The following BCLAF1 variants were observed in gnomAD, a reference collection of about 807,000 sequenced individuals.
BCLAF1 encodes BCL2 associated transcription factor 1.
In BCLAF1, 10 loss-of-function variants were observed where a neutral mutation model predicts 99.5. The ratio of observed to expected loss-of-function variants is 0.10; its 90% CI spans 0.06 to 0.17. The LOEUF is 0.17. BCLAF1 is among the 10% of genes least tolerant of loss of function. The pLI, the probability that BCLAF1 is intolerant of heterozygous loss-of-function variation, is 1.00. For missense variants in BCLAF1, 636 were observed against 1,105.8 expected (o/e 0.58, Z 6.02); for synonymous variants, 255 against 370.9 (o/e 0.69, Z 3.59).
chr6:136,257,605 A>C lies in BCLAF1; in HGVS notation c.*3505T>G, dbSNP rs1408068288. The C allele has an allele frequency of 6.6e-6, 1 of 152,176 alleles. No homozygotes were observed. Among genetic ancestry groups the C allele is most frequent in the African/African-American group, 2.4e-5 (1 of 41,458 alleles). 9.4% of individuals were successfully genotyped at this position (152,176 alleles called of 1,614,324 possible). The stretch of plus-strand genomic sequence containing the variant: ...ACTAATTTTTAGTATCTACCCCAAT[A>C]AAATTTGAAACATTTAATAATAGTA... On this transcript the variant is annotated 3_prime_UTR_variant, in exon 13 of 13. Transcript: ENST00000531224.
At chr6:136,277,556 T>C (rs986473871) in intron 4 of BCLAF1, among the ~76,000 whole-genome samples, 1 of 152,304 alleles carries the variant, frequency 6.6e-6, no homozygotes, top group Admixed American at 6.5e-5. Context: ...GACAGGGTCT[T>C]GCTCTATCGC....
chr6:136,261,796 G>A (rs1781044657), intron 11 of BCLAF1, among the ~76,000 whole-genome samples: 1 of 151,884 alleles, frequency 6.6e-6, no homozygotes, highest in Admixed American at 6.6e-5. Flanking sequence ...GTCAATCCAA[G>A]TCCACTTATT....
At position 136,286,766 on chromosome 6, in the gene BCLAF1, G is replaced by A. The variant is rs371153618; in HGVS notation, c.-115+2947C>T. Among the ~76,000 whole-genome samples, 12 of 152,256 alleles carry A rather than the reference G, an allele frequency of 7.9e-5. No homozygotes were observed. The East Asian group carries it at 1.2e-3, about 15-fold the overall frequency. On this transcript the variant is annotated intron_variant, in intron 1 of 12. Transcript: ENST00000531224. ...GCGGATCACCCGAGGTCAGGAGTTC[G>A]AGACCAGCCTGGCCAACATGCCAAA...
At chr6:136,280,727 A>T (rs1265262884) in intron 2 of BCLAF1, among the ~76,000 whole-genome samples, 2 of 152,210 alleles carry the variant, frequency 1.3e-5, no homozygotes, top group South Asian at 2.1e-4. Flanking sequence ...GATTTATAAG[A>T]TCTACTAATT....
In BCLAF1 at chr6:136,259,110, T is replaced by G. The variant is rs145325273; in HGVS notation, c.*2000A>C. 2.0e-5 allele frequency: 3 copies of G among 152,158 alleles called. No homozygotes were observed. Among genetic ancestry groups the G allele is most frequent in the Non-Finnish European group, 4.4e-5 (3 of 67,860 alleles). The allele number at this position is 152,158 out of a possible 1,614,324, so 9.4% of individuals were successfully genotyped here. A position where few individuals can be genotyped will look rare whatever the true frequency, so the allele number is the denominator to read the frequency against. On this transcript the variant is annotated 3_prime_UTR_variant, in exon 13 of 13. Coordinates refer to ENST00000531224, the MANE Select transcript of BCLAF1 (RefSeq NM_014739.3). ...GATCTGAAAAAGGTAACATCCACAA[T>G]GACATTCTATTACAGAGTTCTTACA...
At chr6:136,270,910 CA>C (rs1263324540) in intron 8 of BCLAF1, among the ~76,000 whole-genome samples, 3 of 151,046 alleles carry the variant, frequency 2.0e-5, no homozygotes, top group Non-Finnish European at 4.4e-5. Context: ...AGTTAAAAAC[CA>C]AAAAAAGTAT....
intron 1 of BCLAF1, among the ~76,000 whole-genome samples, chr6:136,285,902 A>G (rs548620380): frequency 6.6e-6 from 1 of 152,140 alleles, no homozygotes; most frequent in African/African-American, 2.4e-5. Context: ...GTTTGAGACC[A>G]GCCTGGCCAA....
At position 136,269,417 on chromosome 6, in the gene BCLAF1, T is replaced by C. The variant is rs2128473013; in HGVS notation, c.2219+20A>G. 6.3e-7 allele frequency: 1 copy of C among 1,599,476 alleles called. No individual in the cohort carries two copies. The highest frequency in any genetic ancestry group is 1.7e-4 in the Middle Eastern group (1 of 5,982). The stretch of plus-strand genomic sequence containing the variant: ...GCTAATTAGAAGCTAAAACCTATCT[T>C]AGTCAGTTTGAACAATTACCTGTCA... On this transcript the variant is annotated intron_variant, in intron 9 of 12. Coordinates refer to ENST00000531224, the MANE Select transcript of BCLAF1 (RefSeq NM_014739.3).
chr6:136,263,759 C>G (rs1781346197), intron 11 of BCLAF1, among the ~76,000 whole-genome samples: 1 of 152,184 alleles, frequency 6.6e-6, no homozygotes, highest in Non-Finnish European at 1.5e-5. Context: ...CACTGAGAAT[C>G]TGCCTACTTC....
intron 6 of BCLAF1, chr6:136,273,964 G>A (rs1782907377): frequency 6.7e-6 from 8 of 1,197,386 alleles, no homozygotes; most frequent in Non-Finnish European, 7.4e-6. Context: ...TCAACTTACC[G>A]CCCAATATCC....
At chr6:136,268,837 TAATG>T (rs1338722766) in intron 9 of BCLAF1, among the ~76,000 whole-genome samples, 3 of 151,916 alleles carry the variant, frequency 2.0e-5, no homozygotes, top group Non-Finnish European at 4.4e-5. Flanking sequence ...ACCATTTACC[TAATG>T]AATAGCAAGG....
rs893047164 is a variant in BCLAF1, at chr6:136,260,005, T to C, written c.*1105A>G. The C allele has an allele frequency of 1.3e-5, 2 of 151,976 alleles. No homozygotes were observed. Among genetic ancestry groups the C allele is most frequent in the Non-Finnish European group, 2.9e-5 (2 of 67,880 alleles). The allele number at this position is 151,976 out of a possible 1,614,324, so 9.4% of individuals were successfully genotyped here. ...AAAGCCATTCTACAAAAACTGCAAC[T>C]GAAATGGGGGGGAAAAAGGTTAGAT... On this transcript the variant is annotated 3_prime_UTR_variant, in exon 13 of 13. Coordinates refer to ENST00000531224, the MANE Select transcript of BCLAF1 (RefSeq NM_014739.3).
chr6:136,270,932 G>T (rs2128474560), intron 8 of BCLAF1, among the ~76,000 whole-genome samples: 1 of 151,532 alleles, frequency 6.6e-6, no homozygotes, highest in East Asian at 1.9e-4. Flanking sequence ...TCACTACTCA[G>T]AATCTGTTCT....
At chr6:136,281,195 CTCT>C in intron 2 of BCLAF1, among the ~76,000 whole-genome samples, 7 of 152,304 alleles carry the variant, frequency 4.6e-5, no homozygotes, top group South Asian at 2.1e-4. Context: ...TCTTCTCTCA[CTCT>C]TCTTCTCAAT....
intron 1 of BCLAF1, among the ~76,000 whole-genome samples, chr6:136,285,671 A>G (rs1016273338): frequency 2.0e-5 from 3 of 152,230 alleles, no homozygotes; most frequent in African/African-American, 2.4e-5. Context: ...AGACCAACCA[A>G]TGAGGAACAC....
At chr6:136,267,724 T>G (rs1000486987) in intron 10 of BCLAF1, among the ~76,000 whole-genome samples, 1 of 151,968 alleles carries the variant, frequency 6.6e-6, no homozygotes, top group Non-Finnish European at 1.5e-5. Flanking sequence ...ATGTGAAATA[T>G]TTATATGATT....
intron 1 of BCLAF1, among the ~76,000 whole-genome samples, chr6:136,283,345 A>G (rs1784636225): frequency 6.6e-6 from 1 of 152,148 alleles, no homozygotes; most frequent in Non-Finnish European, 1.5e-5. Context: ...ATCCACGTTA[A>G]CAGCCATCAT....
At chr6:136,274,112 T>G (rs530563903) in intron 6 of BCLAF1, 1 of 1,288,738 alleles carries the variant, frequency 7.8e-7, no homozygotes, top group South Asian at 1.2e-5. Flanking sequence ...AGACAGAAGA[T>G]TCAACTTTGC....
chr6:136,289,003 G>A (rs192281715), intron 1 of BCLAF1, among the ~76,000 whole-genome samples: 89 of 152,348 alleles, frequency 5.8e-4, no homozygotes, highest in Admixed American at 4.8e-3. Context: ...ACCAGCACCA[G>A]TCAACAGCGC....
Sources: allele counts gnomAD v4.1 joint callset (sites outside exome capture counted in the v4.1 genomes callset), GRCh38; gene constraint gnomAD v4.1.1; transcripts MANE v1.5; gene names NCBI Gene and HGNC (gene_info 2026-07-23, HGNC 2026-07-21).